The following ORC6 variants were observed in gnomAD, a reference collection of about 807,000 sequenced individuals.
The protein encoded by ORC6 is origin recognition complex subunit 6, also known as origin recognition complex, subunit 6 homolog-like (yeast).
ORC6 carries 31 observed loss-of-function variants against 30.0 expected under a neutral mutation model. The ratio of observed to expected loss-of-function variants is 1.03; its 90% CI spans 0.78 to 1.40. The LOEUF is 1.40. Ranked by LOEUF, ORC6 falls within the 40% of genes most tolerant of loss-of-function variation. The pLI, the probability that ORC6 is intolerant of heterozygous loss-of-function variation, is 0.00. For missense variants in ORC6, 340 were observed against 304.3 expected, an observed-to-expected ratio of 1.12 and a Z score of -0.87; for synonymous variants, 136 against 111.2, an observed-to-expected ratio of 1.22 and a Z score of -1.40.
Position 46,697,828 on chromosome 16 carries a change from T to C in ORC6, c.*243T>C. 3.4e-6 allele frequency: 2 copies of C among 590,150 alleles called. No homozygotes were observed. Among genetic ancestry groups the C allele is most frequent in the Non-Finnish European group, 6.3e-6 (2 of 316,718 alleles). 36.6% of individuals were successfully genotyped at this position (590,150 alleles called of 1,614,324 possible). Reference sequence around the variant, plus strand: ...TTATGTGCTTTCCTACAAAATGGAATTGGAGGCCGGGCGCAGTGGCTCACG... The same window carrying C: ...TTATGTGCTTTCCTACAAAATGGAACTGGAGGCCGGGCGCAGTGGCTCACG... On this transcript the variant is annotated 3_prime_UTR_variant, in exon 7 of 7. Coordinates refer to ENST00000219097, the MANE Select transcript of ORC6 (RefSeq NM_014321.4).
chr16:46,696,354 G>A (rs1324835909), intron 6 of ORC6: 7 of 504,568 alleles, frequency 1.4e-5, no homozygotes, highest in Non-Finnish European at 7.2e-6. Flanking sequence ...CCATGAGTGC[G>A]AGACCAGCCT....
In ORC6 at chr16:46,697,672, A is replaced by G. The variant is rs1966533409; in HGVS notation, c.*87A>G. ...TTGACGGCTTTGGGATTTTGTTTAA[A>G]CTTTTATAATAAGGATCCTAAGACT... On this transcript the variant is annotated 3_prime_UTR_variant, in exon 7 of 7. Transcript: ENST00000219097. The G allele has an allele frequency of 7.1e-7, 1 of 1,403,674 alleles. No homozygotes were observed. The highest frequency in any genetic ancestry group is 1.4e-5 in the African/African-American group (1 of 70,650). The allele number at this position is 1,403,674 out of a possible 1,614,324, so 87.0% of individuals were successfully genotyped here. A position where few individuals can be genotyped will look rare whatever the true frequency, so the allele number is the denominator to read the frequency against.
In ORC6 at chr16:46,693,312, T is replaced by C. The variant is rs534088171; in HGVS notation, c.449+130T>C. ...TCCCCTAGAAATAATATTAGGAATA[T>C]TGGCCAAGTGACTATATTCCCAGTT... On this transcript the variant is annotated intron_variant, in intron 4 of 6. Coordinates refer to ENST00000219097, the MANE Select transcript of ORC6 (RefSeq NM_014321.4). The C allele has an allele frequency of 5.8e-6, 4 of 694,952 alleles. No homozygotes were observed. In the Admixed American group the frequency reaches 8.3e-5, roughly 14 times the overall value. 43.0% of individuals were successfully genotyped at this position (694,952 alleles called of 1,614,324 possible). A position where few individuals can be genotyped will look rare whatever the true frequency, so the allele number is the denominator to read the frequency against.
intron 3 of ORC6, among the ~76,000 whole-genome samples, chr16:46,692,890 G>GT (rs869064027): frequency 0.2 from 58 of 284 alleles, no homozygotes; most frequent in Admixed American, 0.34. Flanking sequence ...CGGTGGCGGT[G>GT]GGGGGGACCA....
intron 1 of ORC6, 179 bp downstream of exon 1, chr16:46,689,949 G>A: frequency 1.2e-5 from 10 of 838,004 alleles, no homozygotes; most frequent in Non-Finnish European, 1.4e-5. Context: ...TGAATGAGAT[G>A]GCAAGAAGGG....
At position 46,697,529 on chromosome 16, in the gene ORC6, T is replaced by C. The variant is rs770565877; in HGVS notation, c.703T>C (p.Trp235Arg). 5.0e-6 allele frequency: 8 copies of C among 1,613,854 alleles called. No homozygotes were observed. Among genetic ancestry groups the C allele is most frequent in the Non-Finnish European group, 6.8e-6 (8 of 1,179,880 alleles). ...DEDLTQDYEE[W>R]KRKILENAAS... ...AGATCTGACACAGGATTATGAAGAA[T>C]GGAAAAGAAAAATTTTGGAAAATGC... The change falls in exon 7 of 7, where the codon TGG becomes CGG. Residue 235 changes from tryptophan (W) to arginine (R), a missense_variant. Transcript: ENST00000219097.
chr16:46,696,898 C>T (rs1321822557), intron 6 of ORC6, among the ~76,000 whole-genome samples: 1 of 152,086 alleles, frequency 6.6e-6, no homozygotes, highest in Non-Finnish European at 1.5e-5. Context: ...TCAAGTGACC[C>T]GCCCCCTTCA....
chr16:46,697,724 A>G lies in ORC6; in HGVS notation c.*139A>G. On this transcript the variant is annotated 3_prime_UTR_variant, in exon 7 of 7. Transcript: ENST00000219097. The stretch of plus-strand genomic sequence containing the variant: ...TTGCCTTTAAATAGCAAAGCAGCCT[A>G]CCTGGAGGCTAAGTCTGGGCAGTGG... 1 of 944,360 alleles carries G rather than the reference A, an allele frequency of 1.1e-6. No individual in the cohort carries two copies. Among genetic ancestry groups the G allele is most frequent in the Non-Finnish European group, 1.7e-6 (1 of 594,896 alleles). The allele number at this position is 944,360 out of a possible 1,614,324, so 58.5% of individuals were successfully genotyped here.
At position 46,697,863 on chromosome 16, in the gene ORC6, C is replaced by T. The variant is rs755720923; in HGVS notation, c.*278C>T. The T allele has an allele frequency of 6.1e-6, 3 of 495,092 alleles. No individual in the cohort carries two copies. The highest frequency in any genetic ancestry group is 3.1e-5 in the South Asian group (2 of 64,818). The allele number at this position is 495,092 out of a possible 1,614,324, so 30.7% of individuals were successfully genotyped here. A position where few individuals can be genotyped will look rare whatever the true frequency, so the allele number is the denominator to read the frequency against. ...GGCGCAGTGGCTCACGCCTGTAATC[C>T]CAGCACTTTGGGAGGCCAAGGTGGG... On this transcript the variant is annotated 3_prime_UTR_variant, in exon 7 of 7. Transcript: ENST00000219097.
intron 6 of ORC6, among the ~76,000 whole-genome samples, chr16:46,696,679 A>G (rs1966521238): frequency 6.6e-6 from 1 of 152,080 alleles, no homozygotes; most frequent in Non-Finnish European, 1.5e-5. Flanking sequence ...TTTCTGAGAC[A>G]TGGCCTGGTT....
rs1326624083 is a variant in ORC6 at position 46,697,580 on chromosome 16, G to A, written c.754G>A (p.Glu252Lys). ...NAASAQKATAE is the reference protein window; with the variant it reads ...NAASAQKATAK ...TGCCAGTGCTCAAAAGGCTACAGCA[G>A]AGTGATTTCAGCTTCCAAACTGGTA... Residue 252 changes from glutamate to lysine, a missense_variant, in exon 7 of 7, where the codon GAG becomes AAG. Coordinates refer to ENST00000219097, the MANE Select transcript of ORC6 (RefSeq NM_014321.4). The A allele has an allele frequency of 4.3e-6, 7 of 1,614,034 alleles. No homozygotes were observed. In the Admixed American group the frequency reaches 1.0e-4, roughly 23 times the overall value.
chr16:46,690,968 G>C (rs1295848627), intron 1 of ORC6, 23 bp from the exon 2 acceptor site: 1 of 1,613,800 alleles, frequency 6.2e-7, no homozygotes, highest in Non-Finnish European at 8.5e-7. Flanking sequence ...AAGTTGTAGC[G>C]AACACACTGC....
chr16:46,691,273 C>G (rs372684357), intron 2 of ORC6, among the ~76,000 whole-genome samples, 153 bp downstream of exon 2: 1 of 152,232 alleles, frequency 6.6e-6, no homozygotes, highest in Admixed American at 6.5e-5. Flanking sequence ...AATCATTTTG[C>G]ATTGGAAAAT....
intron 3 of ORC6, among the ~76,000 whole-genome samples, chr16:46,692,886 C>T (rs1220039182): frequency 2.5e-4 from 2 of 8,108 alleles, no homozygotes; most frequent in Non-Finnish European, 1.3e-3. Flanking sequence ...GCGGCGGTGG[C>T]GGTGGGGGGG....
intron 4 of ORC6, chr16:46,693,542 C>T: frequency 3.0e-6 from 1 of 328,320 alleles, no homozygotes; most frequent in East Asian, 8.0e-5. Flanking sequence ...TGGCTCCCGC[C>T]TGTAATCCCA....
chr16:46,698,183 G>GATAGATAGATA lies in ORC6; in HGVS notation c.*598_*599insATAGATAGATA, dbSNP rs1966543675. ...CTTATAGATAGATAGATAGATAGAT[G>GATAGATAGATA]GATAGATAGATAGATAGATAGATAG... is the stretch of plus-strand genomic sequence containing the variant. On this transcript the variant is annotated 3_prime_UTR_variant, in exon 7 of 7. Transcript: ENST00000219097. The GATAGATAGATA allele has an allele frequency of 2.3e-6, 1 of 426,972 alleles. No homozygotes were observed. Among genetic ancestry groups the GATAGATAGATA allele is most frequent in the African/African-American group, 2.1e-5 (1 of 47,560 alleles). 26.4% of individuals were successfully genotyped at this position (426,972 alleles called of 1,614,324 possible). A position where few individuals can be genotyped will look rare whatever the true frequency, so the allele number is the denominator to read the frequency against.
At chr16:46,697,213 C>A (rs1267799723) in intron 6 of ORC6, among the ~76,000 whole-genome samples, 1 of 152,036 alleles carries the variant, frequency 6.6e-6, no homozygotes, top group Admixed American at 6.6e-5. Context: ...TAGTGTGAGC[C>A]TATAGTCCCA....
Position 46,698,180 on chromosome 16 carries a change from GATGGATAGATA to G in ORC6, c.*596_*606del, listed in dbSNP as rs1966543565. The G allele has an allele frequency of 6.7e-6, 3 of 446,690 alleles. No individual in the cohort carries two copies. Among genetic ancestry groups the G allele is most frequent in the African/African-American group, 6.2e-5 (3 of 48,298 alleles). 27.7% of individuals were successfully genotyped at this position (446,690 alleles called of 1,614,324 possible). A position where few individuals can be genotyped will look rare whatever the true frequency, so the allele number is the denominator to read the frequency against. On this transcript the variant is annotated 3_prime_UTR_variant, in exon 7 of 7. Coordinates refer to ENST00000219097, the MANE Select transcript of ORC6 (RefSeq NM_014321.4). ...AGACTTATAGATAGATAGATAGATA[GATGGATAGATA>G]GATAGATAGATAGATAGATAGATAA...
rs1966508561 is a variant in ORC6, at chr16:46,695,552, T to G, written c.450-10T>G. ...TCTTGAGAAAAGCAACTTATGAAATTGTTTTGTAGGATTCTAAAGCTGAAA... is the reference window on the plus strand; with the variant it reads ...TCTTGAGAAAAGCAACTTATGAAATGGTTTTGTAGGATTCTAAAGCTGAAA... On this transcript the variant is annotated splice_polypyrimidine_tract_variant and intron_variant, in intron 4 of 6. Transcript: ENST00000219097. 6.4e-7 allele frequency: 1 copy of G among 1,561,680 alleles called. No individual in the cohort carries two copies. Among genetic ancestry groups the G allele is most frequent in the Admixed American group, 1.7e-5 (1 of 59,944 alleles).
Sources: allele counts gnomAD v4.1 joint callset (sites outside exome capture counted in the v4.1 genomes callset), GRCh38; gene constraint gnomAD v4.1.1; transcripts MANE v1.5; gene names NCBI Gene and HGNC (gene_info 2026-07-23, HGNC 2026-07-21).